Variants in ERBB4 observed in about 807,000 individuals in gnomAD.
ERBB4 encodes the protein erb-b2 receptor tyrosine kinase 4.
ERBB4 carries 42 observed loss-of-function variants against 158.0 expected under a neutral mutation model. The observed-to-expected ratio is 0.27, with a 90% CI of 0.21 to 0.34. The LOEUF (loss-of-function observed/expected upper bound fraction) is 0.34. Among genes scored for constraint, ERBB4 ranks in the 10% least tolerant of loss-of-function variants. The pLI is 1.00. For synonymous variants in ERBB4, 583 were observed against 558.7 expected, an observed-to-expected ratio of 1.04 and a Z score of -0.61; for missense variants, 1,333 against 1,624.1, an observed-to-expected ratio of 0.82 and a Z score of 3.08.
At chr2:211,441,832 T>A (rs779552506) in intron 20 of ERBB4, among the ~76,000 whole-genome samples, 15 of 152,064 alleles carry the variant, frequency 9.9e-5, no homozygotes, top group African/African-American at 3.4e-4. Context: ...TATTCTTGAG[T>A]CCCTAGTAAC....
intron 25 of ERBB4, among the ~76,000 whole-genome samples, chr2:211,402,436 G>A (rs1250990456): frequency 6.6e-6 from 1 of 152,014 alleles, no homozygotes; most frequent in Non-Finnish European, 1.5e-5. Context: ...GTGACCAAAA[G>A]CTCAGGTGAA....
chr2:211,592,954 G>C (rs1418002019), intron 19 of ERBB4, among the ~76,000 whole-genome samples: 1 of 150,514 alleles, frequency 6.6e-6, no homozygotes, highest in South Asian at 2.1e-4. Flanking sequence ...AGGTTGCAGT[G>C]AGCCAAGATT....
chr2:212,212,507 C>T (rs187996615), intron 1 of ERBB4, among the ~76,000 whole-genome samples: 226 of 151,714 alleles, frequency 1.5e-3, no homozygotes, highest in Admixed American at 2.4e-3. Context: ...TTTATAGATT[C>T]CATGCTATTT....
intron 2 of ERBB4, among the ~76,000 whole-genome samples, chr2:211,983,425 G>T (rs150372947): frequency 2.6e-5 from 4 of 152,254 alleles, no homozygotes; most frequent in Admixed American, 2.6e-4. Context: ...AAGCAAAACT[G>T]TATTTTCAAT....
chr2:211,658,450 A>T (rs189708685), intron 15 of ERBB4, among the ~76,000 whole-genome samples: 6 of 152,306 alleles, frequency 3.9e-5, no homozygotes, highest in Non-Finnish European at 7.4e-5. Context: ...AATGCTCATT[A>T]AAGGTTGATT....
chr2:212,117,307 G>A (rs1422842214), intron 2 of ERBB4, among the ~76,000 whole-genome samples: 1 of 152,102 alleles, frequency 6.6e-6, no homozygotes, highest in South Asian at 2.1e-4. Flanking sequence ...TAAAGAAAAA[G>A]TTCCATCACC....
At chr2:211,716,715 A>C (rs1053271384) in intron 7 of ERBB4, among the ~76,000 whole-genome samples, 16 of 95,908 alleles carry the variant, frequency 1.7e-4, no homozygotes, top group South Asian at 6.6e-4. Flanking sequence ...CAAAACAAAA[A>C]AAAACAAAAA....
At chr2:212,419,084 G>A (rs1263120699) in intron 1 of ERBB4, among the ~76,000 whole-genome samples, 1 of 151,008 alleles carries the variant, frequency 6.6e-6, no homozygotes, top group Non-Finnish European at 1.5e-5. Context: ...TTCTTACTAT[G>A]TATACAGTAC....
At position 211,679,184 on chromosome 2, in the gene ERBB4, G is replaced by A. The variant is rs1289996195; in HGVS notation, c.1490C>T (p.Thr497Ile). 1.2e-6 allele frequency: 2 copies of A among 1,613,620 alleles called. No homozygotes were observed. Among genetic ancestry groups the A allele is most frequent in the Admixed American group, 1.7e-5 (1 of 60,000 alleles). ...IRDNRKAENC[T>I]AEGMVCNHLC... Reference sequence around the variant, plus strand: ...ATGGTTGCACACCATTCCTTCAGCAGCTGTGAAACACCAAAATCAAGGGGA... The same window carrying A: ...ATGGTTGCACACCATTCCTTCAGCAACTGTGAAACACCAAAATCAAGGGGA... Residue 497 changes from threonine to isoleucine, a missense_variant and splice_region_variant, in exon 13 of 28, where the codon ACT (threonine) becomes ATT (isoleucine). Physicochemically the swap from Thr to Ile is moderately conservative, Grantham distance 89 (BLOSUM62 -1). Coordinates refer to ENST00000342788, the MANE Select transcript of ERBB4 (RefSeq NM_005235.3).
chr2:211,378,654 AG>A lies in ERBB4; in HGVS notation c.*4960del, dbSNP rs2062521581. On this transcript the variant is annotated 3_prime_UTR_variant, in exon 28 of 28. Transcript: ENST00000342788. ...TAAAAACTGGCCCCATTGTAATATC[AG>A]TAATAATGAGGTCTCCACTGATAAT... The A allele has an allele frequency of 4.3e-6, 1 of 232,248 alleles. No homozygotes were observed. The highest frequency in any genetic ancestry group is 6.1e-5 in the East Asian group (1 of 16,480). The allele number at this position is 232,248 out of a possible 1,614,324, so 14.4% of individuals were successfully genotyped here.
chr2:212,038,668 C>T (rs1219943458), intron 2 of ERBB4, among the ~76,000 whole-genome samples: 2 of 152,098 alleles, frequency 1.3e-5, no homozygotes, highest in Non-Finnish European at 2.9e-5. Flanking sequence ...CTTCTTCTTT[C>T]ACCATATCTA....
chr2:211,734,879 A>T (rs2074551213), intron 5 of ERBB4, among the ~76,000 whole-genome samples: 1 of 138,762 alleles, frequency 7.2e-6, no homozygotes, highest in Admixed American at 7.5e-5. Context: ...AGCCACTGCA[A>T]TCCAGCCTGG....
chr2:212,314,946 G>A (rs1285697410), intron 1 of ERBB4, among the ~76,000 whole-genome samples: 1 of 151,170 alleles, frequency 6.6e-6, no homozygotes, highest in Non-Finnish European at 1.5e-5. Context: ...CCAAGCTTGT[G>A]GGAGAATTTA....
At chr2:211,999,080 G>A (rs950891939) in intron 2 of ERBB4, among the ~76,000 whole-genome samples, 2 of 150,684 alleles carry the variant, frequency 1.3e-5, no homozygotes, top group African/African-American at 4.9e-5. Context: ...CTCAATAAAG[G>A]CATAACTAGA....
At chr2:211,658,711 C>G (rs1418662638) in intron 15 of ERBB4, among the ~76,000 whole-genome samples, 1 of 152,014 alleles carries the variant, frequency 6.6e-6, no homozygotes, top group Non-Finnish European at 1.5e-5. Context: ...CAAACAATAA[C>G]AGATAAATAT....
intron 3 of ERBB4, among the ~76,000 whole-genome samples, chr2:211,863,464 C>T (rs937794971): frequency 3.9e-5 from 6 of 152,172 alleles, no homozygotes; most frequent in East Asian, 1.9e-4. Context: ...TTTTTGTGTC[C>T]GCACTACCTT....
intron 20 of ERBB4, among the ~76,000 whole-genome samples, chr2:211,480,420 T>C (rs2065053717): frequency 6.6e-6 from 1 of 152,132 alleles, no homozygotes; most frequent in African/African-American, 2.4e-5. Context: ...GAGTTCTCCT[T>C]AGATCTGGTT....
chr2:212,111,582 G>A (rs997061826), intron 2 of ERBB4, among the ~76,000 whole-genome samples: 1 of 151,796 alleles, frequency 6.6e-6, no homozygotes, highest in Non-Finnish European at 1.5e-5. Context: ...AAAAGGAGAG[G>A]ATTTCCCAGG....
At chr2:212,077,310 A>G (rs765547202) in intron 2 of ERBB4, among the ~76,000 whole-genome samples, 2 of 151,986 alleles carry the variant, frequency 1.3e-5, no homozygotes, top group Non-Finnish European at 2.9e-5. Flanking sequence ...TATACACCGT[A>G]AGATATATAC....
Sources: allele counts gnomAD v4.1 joint callset (sites outside exome capture counted in the v4.1 genomes callset), GRCh38; gene constraint gnomAD v4.1.1; transcripts MANE v1.5; gene names NCBI Gene and HGNC (gene_info 2026-07-23, HGNC 2026-07-21).